ARHGEF28: variants seen among roughly 807,000 people sequenced by gnomAD.
ARHGEF28 encodes 190 kDa guanine nucleotide exchange factor.
A neutral mutation model predicts 206.6 loss-of-function variants in ARHGEF28; 152 were observed. The observed-to-expected ratio is 0.74, with a 90% CI of 0.64 to 0.84. ARHGEF28 has a LOEUF of 0.84. Ranked by LOEUF, ARHGEF28 falls within the 40% of genes least tolerant of loss-of-function variation. ARHGEF28 has a pLI of 0.00. For missense variants in ARHGEF28, 2,028 were observed against 2,073.2 expected, an observed-to-expected ratio of 0.98 and a Z score of 0.42; for synonymous variants, 763 against 776.4, an observed-to-expected ratio of 0.98 and a Z score of 0.29.
At chr5:73,871,518 G>C (rs1760102052) in intron 21 of ARHGEF28, among the ~76,000 whole-genome samples, 1 of 152,122 alleles carries the variant, frequency 6.6e-6, no homozygotes, top group Admixed American at 6.6e-5. Flanking sequence ...CGGTAAGTTT[G>C]GAAATACTCA....
Position 73,794,399 on chromosome 5 carries a change from C to T in ARHGEF28, c.911-3C>T, listed in dbSNP as rs755340442. On this transcript the variant is annotated splice_region_variant and splice_polypyrimidine_tract_variant and intron_variant, in intron 7 of 35. Transcript: ENST00000513042. ...CAGATCCTGATAATTATTTCTTTTG[C>T]AGAGATTAAGAATTCAGTGTCCAGC... 1.9e-6 allele frequency: 3 copies of T among 1,594,494 alleles called. No individual in the cohort carries two copies. The highest frequency in any genetic ancestry group is 2.2e-5 in the East Asian group (1 of 44,468).
intron 4 of ARHGEF28, among the ~76,000 whole-genome samples, chr5:73,763,341 C>T (rs1481370198): frequency 6.6e-6 from 1 of 152,088 alleles, no homozygotes; most frequent in African/African-American, 2.4e-5. Flanking sequence ...TGTAATATTT[C>T]TAATATTTCT....
intron 2 of ARHGEF28, among the ~76,000 whole-genome samples, chr5:73,705,844 A>G (rs746930437): frequency 7.9e-5 from 12 of 152,324 alleles, no homozygotes; most frequent in Non-Finnish European, 1.3e-4. Context: ...CCAATGATAG[A>G]AATGACCCTG....
chr5:73,916,073 T>A (rs1004450223), intron 35 of ARHGEF28, among the ~76,000 whole-genome samples: 1 of 152,188 alleles, frequency 6.6e-6, no homozygotes, highest in East Asian at 1.9e-4. Context: ...AATTTTTTTT[T>A]AAAAGACAGC....
At chr5:73,650,920 T>C (rs1478443674) in intron 1 of ARHGEF28, among the ~76,000 whole-genome samples, 1 of 152,184 alleles carries the variant, frequency 6.6e-6, no homozygotes, top group African/African-American at 2.4e-5. Flanking sequence ...AAGTTATAAA[T>C]ACCTTCTGAT....
At chr5:73,802,808 T>C (rs896012301) in intron 9 of ARHGEF28, among the ~76,000 whole-genome samples, 1 of 150,900 alleles carries the variant, frequency 6.6e-6, no homozygotes, top group Non-Finnish European at 1.5e-5. Flanking sequence ...CCCATGTATA[T>C]AGGCATTTAC....
At chr5:73,898,358 C>G (rs1762080164) in intron 30 of ARHGEF28, 2 of 251,836 alleles carry the variant, frequency 7.9e-6, no homozygotes, top group South Asian at 1.6e-4. Context: ...TCGGACCTTC[C>G]CCAACCCCTA....
chr5:73,706,259 G>T (rs1181406665), intron 2 of ARHGEF28, among the ~76,000 whole-genome samples: 1 of 152,046 alleles, frequency 6.6e-6, no homozygotes, highest in Admixed American at 6.5e-5. Context: ...CAGGAGAATC[G>T]CTTGAATCCG....
intron 2 of ARHGEF28, among the ~76,000 whole-genome samples, chr5:73,711,719 GA>G (rs1167582884): frequency 2.0e-5 from 3 of 151,878 alleles, no homozygotes; most frequent in South Asian, 2.1e-4. Flanking sequence ...GGTGCTTTGA[GA>G]TTTTTTTTAC....
chr5:73,706,930 G>T (rs543682263), intron 2 of ARHGEF28, among the ~76,000 whole-genome samples: 44 of 152,182 alleles, frequency 2.9e-4, no homozygotes, highest in Admixed American at 2.0e-3. Context: ...AACTTGCAGG[G>T]CTGTTTAGTG....
chr5:73,818,100 A>G (rs1225309843), intron 9 of ARHGEF28, among the ~76,000 whole-genome samples: 2 of 152,098 alleles, frequency 1.3e-5, no homozygotes, highest in African/African-American at 2.4e-5. Flanking sequence ...TAAATTGGGA[A>G]AAGAGGGGGC....
chr5:73,739,689 T>G (rs992355629), intron 2 of ARHGEF28, among the ~76,000 whole-genome samples: 11 of 151,742 alleles, frequency 7.2e-5, no homozygotes, highest in African/African-American at 2.4e-5. Context: ...TGTGTGCCTG[T>G]AGTTCCAGCT....
chr5:73,870,742 G>A (rs553290979), intron 21 of ARHGEF28, among the ~76,000 whole-genome samples: 1 of 152,272 alleles, frequency 6.6e-6, no homozygotes, highest in African/African-American at 2.4e-5. Flanking sequence ...ATTCAGCTGT[G>A]GTGAGATTGT....
intron 33 of ARHGEF28, among the ~76,000 whole-genome samples, chr5:73,907,167 C>T (rs574902601): frequency 4.6e-5 from 7 of 152,182 alleles, no homozygotes; most frequent in African/African-American, 1.7e-4. Flanking sequence ...TGTAAGACAA[C>T]TAATCTTTCT....
intron 9 of ARHGEF28, among the ~76,000 whole-genome samples, chr5:73,800,878 C>A (rs1755087887): frequency 6.6e-6 from 1 of 152,132 alleles, no homozygotes; most frequent in East Asian, 1.9e-4. Context: ...AAGAAACAGT[C>A]CTCCTAAACA....
At chr5:73,720,557 G>A (rs978058966) in intron 2 of ARHGEF28, among the ~76,000 whole-genome samples, 1 of 152,126 alleles carries the variant, frequency 6.6e-6, no homozygotes, top group Non-Finnish European at 1.5e-5. Context: ...TAGGGAAAAT[G>A]CAAGAGGAGG....
chr5:73,917,784 C>T (rs1189557202), intron 35 of ARHGEF28, among the ~76,000 whole-genome samples: 1 of 152,106 alleles, frequency 6.6e-6, no homozygotes, highest in African/African-American at 2.4e-5. Flanking sequence ...CCCTGGCCAT[C>T]CTGAGCTTTA....
chr5:73,819,730 T>C (rs753239593), intron 9 of ARHGEF28, among the ~76,000 whole-genome samples: 36 of 152,322 alleles, frequency 2.4e-4, no homozygotes, highest in Non-Finnish European at 4.6e-4. Flanking sequence ...CTTAATTCTT[T>C]TAGTTTTGTG....
intron 9 of ARHGEF28, among the ~76,000 whole-genome samples, chr5:73,813,247 C>T (rs1176637428): frequency 6.6e-6 from 1 of 152,160 alleles, no homozygotes; most frequent in Admixed American, 6.5e-5. Flanking sequence ...ATTTCCATTT[C>T]CAGCAACCAG....
Sources: gnomAD v4.1 joint callset for allele counts (sites outside exome capture counted in the v4.1 genomes callset) on GRCh38, gnomAD v4.1.1 for gene constraint, MANE v1.5 for transcripts, NCBI Gene and HGNC (gene_info 2026-07-23, HGNC 2026-07-21) for gene names.